The following SPECC1L variants were observed in gnomAD, a reference collection of about 807,000 sequenced individuals.
SPECC1L encodes the protein cytospin-A.
SPECC1L carries 40 observed loss-of-function variants against 116.8 expected under a neutral mutation model. The ratio of observed to expected loss-of-function variants is 0.34; its 90% CI spans 0.27 to 0.45. SPECC1L has a LOEUF of 0.45. Among genes scored for constraint, SPECC1L ranks in the 20% least tolerant of loss-of-function variants. The pLI, the probability that SPECC1L is intolerant of heterozygous loss-of-function variation, is 1.00. For missense variants in SPECC1L, 1,110 were observed against 1,373.6 expected (o/e 0.81, Z 3.03); for synonymous variants, 504 against 500.6 (o/e 1.01, Z -0.09).
intron 2 of SPECC1L, among the ~76,000 whole-genome samples, chr22:24,289,719 C>G (rs1367817471): frequency 2.0e-5 from 3 of 148,252 alleles, no homozygotes; most frequent in Non-Finnish European, 4.5e-5. Flanking sequence ...TTTTAGCATC[C>G]TATGTGTAGT....
intron 2 of SPECC1L, among the ~76,000 whole-genome samples, chr22:24,297,938 A>G (rs2049299132): frequency 6.6e-6 from 1 of 152,182 alleles, no homozygotes; most frequent in Non-Finnish European, 1.5e-5. Context: ...ATGCTAGCAT[A>G]TTGTATTATT....
At chr22:24,335,175 C>T (rs1048186313) in intron 9 of SPECC1L, among the ~76,000 whole-genome samples, 1 of 152,222 alleles carries the variant, frequency 6.6e-6, no homozygotes, top group Non-Finnish European at 1.5e-5. Flanking sequence ...TTTGTCTTCT[C>T]TCCATCTCTA....
chr22:24,407,872 C>G (rs2042622273), intron 14 of SPECC1L, among the ~76,000 whole-genome samples: 1 of 152,128 alleles, frequency 6.6e-6, no homozygotes, highest in African/African-American at 2.4e-5. Flanking sequence ...TTCTCTGTAC[C>G]CTAATCCTAG....
chr22:24,412,191 T>C (rs2042711484), intron 15 of SPECC1L: 1 of 348,998 alleles, frequency 2.9e-6, no homozygotes, highest in Non-Finnish European at 5.6e-6. Flanking sequence ...GGGGACAGGG[T>C]CAGGGAAGAA....
intron 11 of SPECC1L, among the ~76,000 whole-genome samples, chr22:24,360,001 C>T (rs1232749419): frequency 3.3e-5 from 5 of 152,140 alleles, no homozygotes; most frequent in African/African-American, 4.8e-5. Context: ...AGCAAGTTTC[C>T]TGTCTGCTTT....
intron 11 of SPECC1L, among the ~76,000 whole-genome samples, chr22:24,350,209 T>C (rs1013687315): frequency 6.6e-6 from 1 of 152,102 alleles, no homozygotes; most frequent in African/African-American, 2.4e-5. Flanking sequence ...AAACCACTCG[T>C]TCTCCCACAC....
At chr22:24,309,362 G>T (rs2049567480) in intron 3 of SPECC1L, among the ~76,000 whole-genome samples, 2 of 152,224 alleles carry the variant, frequency 1.3e-5, no homozygotes, top group East Asian at 1.9e-4. Flanking sequence ...AATAGTTTTA[G>T]AATTATCTGT....
chr22:24,410,196 T>C (rs183997364), intron 14 of SPECC1L, among the ~76,000 whole-genome samples: 172 of 152,282 alleles, frequency 1.1e-3, no homozygotes, highest in Non-Finnish European at 1.3e-3. Context: ...TCTCACTGTG[T>C]TGGCAGGCTG....
chr22:24,349,197 C>T (rs1437489505), intron 11 of SPECC1L, among the ~76,000 whole-genome samples: 4 of 152,142 alleles, frequency 2.6e-5, no homozygotes, highest in Admixed American at 2.0e-4. Flanking sequence ...TGGAGCACCC[C>T]ACCCAGCTAA....
intron 2 of SPECC1L, among the ~76,000 whole-genome samples, chr22:24,279,411 T>C (rs969223978): frequency 3.3e-5 from 5 of 152,210 alleles, no homozygotes; most frequent in African/African-American, 9.6e-5. Flanking sequence ...TATTTTAATT[T>C]AGAGACAAGG....
chr22:24,322,783 C>T lies in SPECC1L; in HGVS notation c.1803C>T (p.Asp601=). 2 of 1,586,064 alleles carry T rather than the reference C, an allele frequency of 1.3e-6. No homozygotes were observed. The highest frequency in any genetic ancestry group is 1.7e-6 in the Non-Finnish European group (2 of 1,168,038). Residue 601 remains aspartate, a synonymous_variant, in exon 5 of 17, where the codon GAC becomes GAT. Transcript: ENST00000314328. ...AELYSIHNSG[D]KSDIQDLLES... ...TGTATTCTATCCATAACTCTGGAGA[C>T]AAATCTGATATTCAGGACCTCCTGG...
At chr22:24,290,718 T>A (rs550305264) in intron 2 of SPECC1L, among the ~76,000 whole-genome samples, 19 of 152,368 alleles carry the variant, frequency 1.2e-4, no homozygotes, top group African/African-American at 4.6e-4. Context: ...TCCCTCTTAG[T>A]AGTCCTTGAC....
chr22:24,367,789 G>GGA (rs2041800096), intron 13 of SPECC1L, among the ~76,000 whole-genome samples: 1 of 152,140 alleles, frequency 6.6e-6, no homozygotes, highest in Non-Finnish European at 1.5e-5. Flanking sequence ...AATATACTGA[G>GGA]GAATACTAAG....
intron 2 of SPECC1L, among the ~76,000 whole-genome samples, chr22:24,288,654 C>G (rs907657644): frequency 5.9e-5 from 5 of 85,030 alleles, no homozygotes; most frequent in Non-Finnish European, 6.2e-5. Flanking sequence ...TGGACATATC[C>G]TTGCTCTGTT....
At chr22:24,316,906 G>A (rs1191907438) in intron 4 of SPECC1L, among the ~76,000 whole-genome samples, 1 of 121,356 alleles carries the variant, frequency 8.2e-6, no homozygotes, top group East Asian at 2.6e-4. Flanking sequence ...CCGGGCGGGG[G>A]GCTGACCCCC....
rs143838514 is a variant in SPECC1L at position 24,289,384 on chromosome 22, C to T, written c.-38+12581C>T. On this transcript the variant is annotated intron_variant, in intron 2 of 16. Coordinates refer to ENST00000314328, the MANE Select transcript of SPECC1L (RefSeq NM_015330.6). ...ATGTTAAGTGTTGTCAGTAGTTTAA[C>T]GTCCTTTCCAGCAGCTTGCATTAAA... Among the ~76,000 whole-genome samples the T allele has an allele frequency of 5.5e-3, 831 of 152,308 alleles. 7 individuals are homozygous for T. Among genetic ancestry groups the T allele is most frequent in the Middle Eastern group, 0.027 (8 of 294 alleles).
At chr22:24,409,729 C>G (rs996990072) in intron 14 of SPECC1L, among the ~76,000 whole-genome samples, 2 of 152,116 alleles carry the variant, frequency 1.3e-5, no homozygotes, top group African/African-American at 4.8e-5. Flanking sequence ...AATAAGGTGC[C>G]CCTTAAAAGA....
intron 14 of SPECC1L, among the ~76,000 whole-genome samples, chr22:24,373,177 TATC>T (rs757409586): frequency 6.6e-6 from 1 of 152,140 alleles, no homozygotes; most frequent in Admixed American, 6.5e-5. Flanking sequence ...GAAGAATCAA[TATC>T]ATGAAAATGG....
At chr22:24,411,788 T>TGCTG in intron 15 of SPECC1L, 84 bp downstream of exon 15, 2 of 1,136,526 alleles carry the variant, frequency 1.8e-6, no homozygotes, top group Non-Finnish European at 2.7e-6. Context: ...CCTCAGCAGG[T>TGCTG]CACATGCCAC....
Sources: gnomAD v4.1 joint callset for allele counts (sites outside exome capture counted in the v4.1 genomes callset) on GRCh38, gnomAD v4.1.1 for gene constraint, MANE v1.5 for transcripts, NCBI Gene and HGNC (gene_info 2026-07-23, HGNC 2026-07-21) for gene names.